Variants in NELL2 observed in about 807,000 individuals in gnomAD.
NELL2 encodes the protein neural EGFL like 2.
Under a neutral mutation model 109.6 loss-of-function variants are expected in NELL2, and 41 were observed. The ratio of observed to expected loss-of-function variants is 0.37; its 90% CI spans 0.29 to 0.49. The LOEUF is 0.49. Ranked by LOEUF, NELL2 falls within the 20% of genes least tolerant of loss-of-function variation. The pLI, the probability that NELL2 is intolerant of heterozygous loss-of-function variation, is 0.98. For synonymous variants in NELL2, 355 were observed against 344.7 expected, an observed-to-expected ratio of 1.03 and a Z score of -0.33; for missense variants, 900 against 1,008.3, an observed-to-expected ratio of 0.89 and a Z score of 1.45.
At chr12:44,697,874 T>A (rs564128238) in intron 12 of NELL2, among the ~76,000 whole-genome samples, 16 of 152,290 alleles carry the variant, frequency 1.1e-4, no homozygotes, top group African/African-American at 3.9e-4. Flanking sequence ...TCTCACAGTT[T>A]TGGAGGCTAG....
chr12:44,821,245 C>T (rs181131117), intron 2 of NELL2, among the ~76,000 whole-genome samples: 98 of 152,188 alleles, frequency 6.4e-4, no homozygotes, highest in Admixed American at 3.2e-3. Flanking sequence ...GCAAAAACAG[C>T]CATGGAACAT....
intron 15 of NELL2, among the ~76,000 whole-genome samples, chr12:44,560,265 G>T (rs982984000): frequency 4.6e-5 from 7 of 152,056 alleles, no homozygotes; most frequent in Admixed American, 2.0e-4. Flanking sequence ...ACAATTAAAA[G>T]AACTAAAGAA....
intron 13 of NELL2, among the ~76,000 whole-genome samples, chr12:44,643,597 C>T (rs934719645): frequency 5.9e-5 from 9 of 152,092 alleles, no homozygotes; most frequent in Admixed American, 1.3e-4. Flanking sequence ...TCACCATATC[C>T]TGTGTACATA....
At chr12:44,789,341 G>C (rs111793145) in intron 3 of NELL2, among the ~76,000 whole-genome samples, 2,595 of 152,268 alleles carry the variant, frequency 0.017, 70 homozygotes, top group African/African-American at 0.057. Context: ...GCTCAGAGCT[G>C]GGTAGACTTG....
At chr12:44,769,925 A>T (rs1941481085) in intron 9 of NELL2, among the ~76,000 whole-genome samples, 1 of 152,132 alleles carries the variant, frequency 6.6e-6, no homozygotes, top group Non-Finnish European at 1.5e-5. Context: ...GTACATAATA[A>T]TGAGATATTA....
intron 15 of NELL2, among the ~76,000 whole-genome samples, chr12:44,588,622 G>A (rs1174789581): frequency 1.3e-5 from 2 of 152,172 alleles, no homozygotes; most frequent in African/African-American, 2.4e-5. Flanking sequence ...GAAAGAGAGT[G>A]TGGAACAGGT....
rs141665575 is a variant in NELL2 at position 44,742,254 on chromosome 12, C to A, written c.995-27513G>T. 3.3e-4 allele frequency among the ~76,000 whole-genome samples: 50 copies of A among 152,314 alleles called. No individual in the cohort carries two copies. In the East Asian group the frequency reaches 9.3e-3, roughly 28 times the overall value. On this transcript the variant is annotated intron_variant, in intron 9 of 19. Coordinates refer to ENST00000429094, the MANE Select transcript of NELL2 (RefSeq NM_001145108.2). ...ACAGACCTGCAGCTGAGGGTCCTCT[C>A]TGTTGGAAGGAAAACTAACAAACAG...
intron 12 of NELL2, among the ~76,000 whole-genome samples, chr12:44,688,391 C>G (rs947589128): frequency 6.6e-6 from 1 of 152,138 alleles, no homozygotes; most frequent in Admixed American, 6.5e-5. Context: ...GATACACTGA[C>G]AATAATAAAT....
At chr12:44,830,392 A>G (rs1210024543) in intron 2 of NELL2, among the ~76,000 whole-genome samples, 1 of 152,214 alleles carries the variant, frequency 6.6e-6, no homozygotes, top group Non-Finnish European at 1.5e-5. Flanking sequence ...TTTAATTATA[A>G]TAATCAAATT....
intron 1 of NELL2, among the ~76,000 whole-genome samples, chr12:44,882,721 T>C (rs1592701966): frequency 6.6e-6 from 1 of 151,364 alleles, no homozygotes; most frequent in Non-Finnish European, 1.5e-5. Flanking sequence ...AGAGACAGGG[T>C]TTCACCATGT....
At chr12:44,640,462 C>T (rs975576621) in intron 13 of NELL2, among the ~76,000 whole-genome samples, 2 of 152,156 alleles carry the variant, frequency 1.3e-5, no homozygotes, top group African/African-American at 4.8e-5. Flanking sequence ...TTTCTATAAG[C>T]TTTAAGTAAT....
At chr12:44,652,133 C>T (rs1383981025) in intron 13 of NELL2, among the ~76,000 whole-genome samples, 4 of 152,100 alleles carry the variant, frequency 2.6e-5, no homozygotes, top group Admixed American at 1.3e-4. Context: ...GCATAGAGTA[C>T]TCCTGAATTA....
intron 15 of NELL2, among the ~76,000 whole-genome samples, chr12:44,541,605 C>A (rs1942575718): frequency 6.6e-6 from 1 of 152,006 alleles, no homozygotes; most frequent in African/African-American, 2.4e-5. Context: ...AAATTTCATA[C>A]CAAGAACACA....
At chr12:44,539,835 T>C (rs1370192510) in intron 15 of NELL2, among the ~76,000 whole-genome samples, 1 of 152,200 alleles carries the variant, frequency 6.6e-6, no homozygotes, top group Non-Finnish European at 1.5e-5. Flanking sequence ...GGTTAGAGAT[T>C]CATAAACACA....
At chr12:44,885,737 A>G (rs1945463511) in intron 1 of NELL2, among the ~76,000 whole-genome samples, 1 of 151,932 alleles carries the variant, frequency 6.6e-6, no homozygotes. Flanking sequence ...GAAAATCTCA[A>G]TAAAAATCCC....
intron 13 of NELL2, among the ~76,000 whole-genome samples, chr12:44,630,838 A>T (rs1174794451): frequency 1.3e-5 from 2 of 152,152 alleles, no homozygotes; most frequent in African/African-American, 4.8e-5. Context: ...TAGATGGAAT[A>T]AAGATTAGTC....
chr12:44,797,195 T>C (rs1942654393), intron 3 of NELL2, among the ~76,000 whole-genome samples: 1 of 152,096 alleles, frequency 6.6e-6, no homozygotes, highest in South Asian at 2.1e-4. Context: ...GCTTTCTCAT[T>C]ATCTCAACTC....
intron 11 of NELL2, among the ~76,000 whole-genome samples, chr12:44,705,179 G>C (rs938756559): frequency 1.3e-5 from 2 of 151,934 alleles, no homozygotes; most frequent in Non-Finnish European, 2.9e-5. Context: ...CATTCGATTA[G>C]AATTCCAGAG....
intron 9 of NELL2, among the ~76,000 whole-genome samples, chr12:44,753,925 T>C (rs1421590400): frequency 6.6e-6 from 1 of 152,220 alleles, no homozygotes; most frequent in Non-Finnish European, 1.5e-5. Context: ...ACACCCTTCC[T>C]AGGCCACATT....
Sources: gnomAD v4.1 joint callset for allele counts (sites outside exome capture counted in the v4.1 genomes callset) on GRCh38, gnomAD v4.1.1 for gene constraint, MANE v1.5 for transcripts, NCBI Gene and HGNC (gene_info 2026-07-23, HGNC 2026-07-21) for gene names.